NXPE2: variants seen among roughly 807,000 people sequenced by gnomAD.
NXPE2 encodes neurexophilin and PC-esterase domain family member 2.
In NXPE2, 34 loss-of-function variants were observed where a neutral mutation model predicts 34.4. The observed-to-expected ratio is 0.99, with a 90% CI of 0.75 to 1.31. NXPE2 has a LOEUF of 1.31. Ranked by LOEUF, NXPE2 falls within the 40% of genes most tolerant of loss-of-function variation. NXPE2 has a pLI of 0.00. For synonymous variants in NXPE2, 235 were observed against 231.3 expected (o/e 1.02, Z -0.15); for missense variants, 649 against 672.5 (o/e 0.97, Z 0.39).
the NXPE2 span, among the ~76,000 whole-genome samples, chr11:114,623,300 C>T: frequency 6.6e-5 from 10 of 151,138 alleles, no homozygotes; most frequent in Non-Finnish European, 1.0e-4. Flanking sequence ...CAGTGGATAA[C>T]AATTATTGCC....
the NXPE2 span, among the ~76,000 whole-genome samples, chr11:114,614,043 C>T: frequency 1.3e-5 from 2 of 151,678 alleles, no homozygotes; most frequent in South Asian, 2.1e-4. Flanking sequence ...ACCACTGTTA[C>T]CCGGTGAATA....
At chr11:114,740,428 A>C in the NXPE2 span, among the ~76,000 whole-genome samples, 4 of 152,168 alleles carry the variant, frequency 2.6e-5, no homozygotes, top group Non-Finnish European at 4.4e-5. Flanking sequence ...GTTCTTCGAC[A>C]TGCAAGTGCA....
the NXPE2 span, among the ~76,000 whole-genome samples, chr11:114,625,987 C>G: frequency 6.6e-6 from 1 of 151,894 alleles, no homozygotes; most frequent in Non-Finnish European, 1.5e-5. Context: ...AAACGGCGCA[C>G]CAGGAGATTA....
chr11:114,641,814 T>C, the NXPE2 span, among the ~76,000 whole-genome samples: 5 of 151,946 alleles, frequency 3.3e-5, no homozygotes, highest in Admixed American at 1.3e-4. Context: ...TGAAAAAGGG[T>C]ATATCACATC....
the NXPE2 span, among the ~76,000 whole-genome samples, chr11:114,596,064 A>C: frequency 1.2e-4 from 19 of 152,222 alleles, no homozygotes; most frequent in Admixed American, 1.3e-4. Flanking sequence ...AATGATTGAG[A>C]GTAATCATCA....
chr11:114,772,769 G>C, the NXPE2 span, among the ~76,000 whole-genome samples: 1 of 152,106 alleles, frequency 6.6e-6, no homozygotes, highest in Non-Finnish European at 1.5e-5. Flanking sequence ...CCACTGATGT[G>C]CTTGGCTCAT....
chr11:114,667,526 C>A, the NXPE2 span, among the ~76,000 whole-genome samples: 5 of 152,244 alleles, frequency 3.3e-5, no homozygotes, highest in Non-Finnish European at 7.4e-5. Flanking sequence ...TGTCTTGCTT[C>A]TAACAAATAT....
At chr11:114,581,804 A>G in the NXPE2 span, 1 of 1,577,444 alleles carries the variant, frequency 6.3e-7, no homozygotes, top group Non-Finnish European at 8.7e-7. Context: ...ACACAAATAC[A>G]GAAATTAATC....
chr11:114,807,599 C>T, the NXPE2 span, among the ~76,000 whole-genome samples: 1 of 151,168 alleles, frequency 6.6e-6, no homozygotes, highest in African/African-American at 2.4e-5. Flanking sequence ...CAAAGAAGGC[C>T]ATTACATAAT....
chr11:114,741,238 C>CTTG, the NXPE2 span, among the ~76,000 whole-genome samples: 1 of 12,910 alleles, frequency 7.7e-5, no homozygotes, highest in Non-Finnish European at 3.4e-3. Context: ...CTTCTCTTCT[C>CTTG]TTGCTTTCAA....
the NXPE2 span, among the ~76,000 whole-genome samples, chr11:114,542,881 A>G: frequency 6.6e-6 from 1 of 152,236 alleles, no homozygotes; most frequent in African/African-American, 2.4e-5. Context: ...ATATGATTAT[A>G]ACACAAAACA....
the NXPE2 span, chr11:114,530,317 AG>A: frequency 6.2e-7 from 1 of 1,614,110 alleles, no homozygotes; most frequent in Non-Finnish European, 8.5e-7. Context: ...AGATATTCAC[AG>A]AGTTCAGCAT....
the NXPE2 span, among the ~76,000 whole-genome samples, chr11:114,638,936 G>A: frequency 6.6e-6 from 1 of 151,538 alleles, no homozygotes; most frequent in Non-Finnish European, 1.5e-5. Flanking sequence ...ACTTGAGGAG[G>A]CAGTCTGCCC....
the NXPE2 span, chr11:114,594,627 A>C: frequency 1.6e-5 from 21 of 1,345,554 alleles, no homozygotes; most frequent in Non-Finnish European, 2.2e-5. Context: ...AAGCAAAAAT[A>C]AGCTTCTGTA....
the NXPE2 span, among the ~76,000 whole-genome samples, chr11:114,665,515 C>G: frequency 6.6e-6 from 1 of 152,250 alleles, no homozygotes; most frequent in East Asian, 1.9e-4. Context: ...CTGAGGTTCT[C>G]AAAGCATGCA....
the NXPE2 span, among the ~76,000 whole-genome samples, chr11:114,735,392 C>T: frequency 1.3e-5 from 2 of 151,732 alleles, no homozygotes; most frequent in Admixed American, 1.3e-4. Context: ...AATTTTTCTC[C>T]CTCTCAAATA....
At chr11:114,679,873 A>G (rs551963367) in intron 2 of NXPE2, 111 bp downstream of exon 2, 1 of 641,536 alleles carries the variant, frequency 1.6e-6, no homozygotes, top group Admixed American at 2.6e-5. Context: ...TCTTAGCAGG[A>G]GAATGTGGAT....
the NXPE2 span, among the ~76,000 whole-genome samples, chr11:114,794,854 C>CCCG: frequency 2.0e-5 from 3 of 151,442 alleles, no homozygotes; most frequent in African/African-American, 4.9e-5. Flanking sequence ...CACCCCCGCC[C>CCCG]CCCCCAACCC....
the NXPE2 span, among the ~76,000 whole-genome samples, chr11:114,726,999 C>T: frequency 6.6e-6 from 1 of 151,482 alleles, no homozygotes; most frequent in Non-Finnish European, 1.5e-5. Context: ...CCAGAATTGC[C>T]TTCAAATGGC....
Sources: gnomAD v4.1 joint callset for allele counts (sites outside exome capture counted in the v4.1 genomes callset) on GRCh38, gnomAD v4.1.1 for gene constraint, MANE v1.5 for transcripts, NCBI Gene and HGNC (gene_info 2026-07-23, HGNC 2026-07-21) for gene names.